KIAA0825: variants seen among roughly 807,000 people sequenced by gnomAD.
KIAA0825 encodes the protein KIAA0825, also known as uncharacterized protein KIAA0825.
Under a neutral mutation model 147.6 loss-of-function variants are expected in KIAA0825, and 119 were observed. The ratio of observed to expected loss-of-function variants is 0.81; its 90% confidence interval spans 0.69 to 0.94. KIAA0825 has a LOEUF of 0.94. Among genes scored for constraint, KIAA0825 ranks in the 40% least tolerant of loss-of-function variants. The pLI, the probability that KIAA0825 is intolerant of heterozygous loss-of-function variation, is 0.00. For missense variants in KIAA0825, 1,381 were observed against 1,472.7 expected (o/e 0.94, Z 1.02); for synonymous variants, 470 against 518.1 (o/e 0.91, Z 1.26).
At chr5:94,350,735 C>A (rs983641472) in intron 20 of KIAA0825, among the ~76,000 whole-genome samples, 2 of 152,096 alleles carry the variant, frequency 1.3e-5, no homozygotes, top group African/African-American at 4.8e-5. Flanking sequence ...GCATCTTTTA[C>A]GATTAAAACT....
chr5:94,406,058 C>A (rs1398631023), intron 15 of KIAA0825, among the ~76,000 whole-genome samples: 1 of 152,098 alleles, frequency 6.6e-6, no homozygotes, highest in East Asian at 1.9e-4. Context: ...TCCTGAGTAG[C>A]TGGGATTACA....
At chr5:94,158,520 T>C (rs771619438) in intron 20 of KIAA0825, among the ~76,000 whole-genome samples, 17 of 151,960 alleles carry the variant, frequency 1.1e-4, no homozygotes, top group African/African-American at 3.9e-4. Flanking sequence ...CAATGAAGAG[T>C]TGTCTTCCCA....
At chr5:94,233,241 G>A (rs1774840255) in intron 20 of KIAA0825, among the ~76,000 whole-genome samples, 1 of 152,198 alleles carries the variant, frequency 6.6e-6, no homozygotes, top group South Asian at 2.1e-4. Flanking sequence ...TTCAGCAACT[G>A]TATCTAACTA....
Position 94,452,951 on chromosome 5 carries a change from G to C in KIAA0825, c.2357+8C>G. 7.3e-7 allele frequency: 1 copy of C among 1,376,826 alleles called. No homozygotes were observed. The highest frequency in any genetic ancestry group is 9.8e-7 in the Non-Finnish European group (1 of 1,021,490). The allele number at this position is 1,376,826 out of a possible 1,614,324, so 85.3% of individuals were successfully genotyped here. ...ATTATAGATAGTATGGCATTTAGAGGCTCTCACCTGAGTAAAGAAGGGTAG... is the reference window on the plus strand; with the variant it reads ...ATTATAGATAGTATGGCATTTAGAGCCTCTCACCTGAGTAAAGAAGGGTAG... On this transcript the variant is annotated splice_region_variant and intron_variant, in intron 13 of 20. Coordinates refer to ENST00000682413, the MANE Select transcript of KIAA0825 (RefSeq NM_001145678.3).
chr5:94,274,136 G>T (rs1045285483), intron 20 of KIAA0825, among the ~76,000 whole-genome samples: 4 of 152,100 alleles, frequency 2.6e-5, no homozygotes, highest in Non-Finnish European at 4.4e-5. Flanking sequence ...ATCATGCAGG[G>T]AACATAAAGA....
intron 1 of KIAA0825, among the ~76,000 whole-genome samples, chr5:94,591,846 A>AGGATGCTTCTCCTAC (rs1784412402): frequency 6.6e-6 from 1 of 152,188 alleles, no homozygotes; most frequent in Non-Finnish European, 1.5e-5. Context: ...GGCATATATT[A>AGGATGCTTCTCCTAC]CATGATGGTA....
intron 20 of KIAA0825, among the ~76,000 whole-genome samples, chr5:94,263,778 C>T (rs1776613384): frequency 6.6e-6 from 1 of 152,132 alleles, no homozygotes; most frequent in East Asian, 1.9e-4. Context: ...CTCAGCATCT[C>T]CAGCTTGGAT....
chr5:94,615,155 G>A (rs1790097534), intron 1 of KIAA0825, among the ~76,000 whole-genome samples: 2 of 151,704 alleles, frequency 1.3e-5, no homozygotes, highest in South Asian at 2.1e-4. Flanking sequence ...TGTGGAAGAC[G>A]TGAACACATA....
intron 1 of KIAA0825, among the ~76,000 whole-genome samples, chr5:94,616,306 A>G (rs1010500488): frequency 6.6e-6 from 1 of 152,170 alleles, no homozygotes; most frequent in Non-Finnish European, 1.5e-5. Flanking sequence ...TTTCAACTAA[A>G]TTTTTGTAAA....
At chr5:94,568,652 A>G (rs1378005909) in intron 2 of KIAA0825, 1 of 152,314 alleles carries the variant, frequency 6.6e-6, no homozygotes, top group Non-Finnish European at 1.5e-5. Context: ...CAACTACTTA[A>G]CCAACAAACT....
intron 20 of KIAA0825, among the ~76,000 whole-genome samples, chr5:94,165,271 G>A (rs1289942260): frequency 1.3e-5 from 2 of 152,136 alleles, no homozygotes; most frequent in African/African-American, 4.8e-5. Context: ...CAGCATCATT[G>A]ATCATTAGAG....
chr5:94,556,931 C>T (rs1686379075), intron 2 of KIAA0825, among the ~76,000 whole-genome samples: 2 of 152,132 alleles, frequency 1.3e-5, no homozygotes, highest in African/African-American at 4.8e-5. Flanking sequence ...AATCTCTTTG[C>T]ACTATTCAGT....
chr5:94,447,232 T>G (rs1013494239), intron 13 of KIAA0825, among the ~76,000 whole-genome samples: 26 of 151,966 alleles, frequency 1.7e-4, no homozygotes, highest in African/African-American at 6.3e-4. Context: ...TAAGAGAGAT[T>G]AAAATTAATG....
chr5:94,592,628 A>T (rs1784547455), intron 1 of KIAA0825: 1 of 196,770 alleles, frequency 5.1e-6, no homozygotes, highest in Non-Finnish European at 1.0e-5. Context: ...ACCTTGCTGA[A>T]GCTGTACATT....
chr5:94,607,683 C>A (rs1189933733), intron 1 of KIAA0825, among the ~76,000 whole-genome samples: 1 of 152,148 alleles, frequency 6.6e-6, no homozygotes, highest in African/African-American at 2.4e-5. Flanking sequence ...TAATAAATCA[C>A]CACAAATTTA....
chr5:94,495,034 G>A lies in KIAA0825; in HGVS notation c.971-10104C>T, dbSNP rs111963678. 2.8e-3 allele frequency among the ~76,000 whole-genome samples: 426 copies of A among 152,170 alleles called. 1 individual carries two copies. The highest frequency in any genetic ancestry group is 0.01 in the Middle Eastern group (3 of 294). ...CACAGCCTTTTAAAAGAAGTGGCACGTTTTTCCTCCTCTATAATGAAAAAT... is the reference window on the plus strand; with the variant it reads ...CACAGCCTTTTAAAAGAAGTGGCACATTTTTCCTCCTCTATAATGAAAAAT... On this transcript the variant is annotated intron_variant, in intron 5 of 20. Coordinates refer to ENST00000682413, the MANE Select transcript of KIAA0825 (RefSeq NM_001145678.3).
Position 94,384,351 on chromosome 5 carries a change from G to T in KIAA0825, c.3710+17C>A. On this transcript the variant is annotated intron_variant, in intron 20 of 20. Coordinates refer to ENST00000682413, the MANE Select transcript of KIAA0825 (RefSeq NM_001145678.3). ...CTTGTCCCTCAACCAGACCCCCAAG[G>T]TCCCCAATTTTATTACCTGTTTTTG... The T allele has an allele frequency of 6.5e-7, 1 of 1,546,234 alleles. No homozygotes were observed.
chr5:94,255,024 G>A (rs1388805309), intron 20 of KIAA0825, among the ~76,000 whole-genome samples: 1 of 151,834 alleles, frequency 6.6e-6, no homozygotes, highest in Non-Finnish European at 1.5e-5. Flanking sequence ...CACTTAGTCT[G>A]TGCTACCTCA....
intron 20 of KIAA0825, among the ~76,000 whole-genome samples, chr5:94,356,329 C>G (rs937598883): frequency 6.6e-6 from 1 of 151,898 alleles, no homozygotes; most frequent in East Asian, 1.9e-4. Context: ...GAACTACAGC[C>G]GGGAGCGGTG....
Sources: allele counts gnomAD v4.1 joint callset (sites outside exome capture counted in the v4.1 genomes callset), GRCh38; gene constraint gnomAD v4.1.1; transcripts MANE v1.5; gene names NCBI Gene and HGNC (gene_info 2026-07-23, HGNC 2026-07-21).